Variants in TMOD3 observed in about 807,000 individuals in gnomAD.
The protein encoded by TMOD3 is tropomodulin 3.
Under a neutral mutation model 39.2 loss-of-function variants are expected in TMOD3, and 20 were observed. The observed-to-expected ratio is 0.51, with a 90% CI of 0.36 to 0.74. The LOEUF (loss-of-function observed/expected upper bound fraction) is 0.74, where lower values mean the gene tolerates loss of function less well. Among genes scored for constraint, TMOD3 ranks in the 30% least tolerant of loss-of-function variants. The probability of loss-of-function intolerance (pLI) is 0.00; values close to 1 mark genes in which losing one functional copy is unlikely to be tolerated. For synonymous variants in TMOD3, 143 were observed against 145.8 expected, an observed-to-expected ratio of 0.98 and a Z score of 0.14; for missense variants, 381 against 412.8, an observed-to-expected ratio of 0.92 and a Z score of 0.67.
intron 1 of TMOD3, among the ~76,000 whole-genome samples, chr15:51,837,315 C>T (rs2141666443): frequency 1.3e-5 from 2 of 152,196 alleles, no homozygotes; most frequent in East Asian, 3.9e-4. Context: ...TATATTCAGG[C>T]AGCCCTTACC....
chr15:51,832,149 A>T (rs1313265839), intron 1 of TMOD3, among the ~76,000 whole-genome samples: 2 of 147,644 alleles, frequency 1.4e-5, no homozygotes, highest in African/African-American at 5.0e-5. Context: ...GTGCCACTGC[A>T]CTCCAGCCTG....
Position 51,890,150 on chromosome 15 carries a change from A to G in TMOD3, c.496+1005A>G, listed in dbSNP as rs151273348. On this transcript the variant is annotated intron_variant, in intron 5 of 9. Transcript: ENST00000308580. ...ATATTTATTGCAACTTAATTTTTCA[A>G]TAATAATTCTATTAGCTAATTTTTT... Among the ~76,000 whole-genome samples the G allele has an allele frequency of 2.6e-3, 395 of 151,936 alleles. 1 individual carries two copies. The highest frequency in any genetic ancestry group is 9.2e-3 in the African/African-American group (382 of 41,442).
At chr15:51,885,710 A>C (rs2056557472) in intron 3 of TMOD3, among the ~76,000 whole-genome samples, 1 of 152,208 alleles carries the variant, frequency 6.6e-6, no homozygotes, top group Non-Finnish European at 1.5e-5. Context: ...ACACAGCAAC[A>C]ATCCGATTTC....
At chr15:51,868,307 A>T (rs2570255) in intron 2 of TMOD3, among the ~76,000 whole-genome samples, 8,230 of 130,302 alleles carry the variant, frequency 0.063, 480 homozygotes, top group African/African-American at 0.14. Context: ...AAAACTTTTT[A>T]AAAAAAACGT....
intron 1 of TMOD3, chr15:51,859,315 G>C (rs1010974916): frequency 1.4e-6 from 1 of 727,022 alleles, no homozygotes; most frequent in Non-Finnish European, 2.6e-6. Flanking sequence ...TGGTTCAATG[G>C]TTCCTTGATA....
chr15:51,853,168 A>C (rs779173178), intron 1 of TMOD3, among the ~76,000 whole-genome samples: 46 of 152,216 alleles, frequency 3.0e-4, no homozygotes, highest in Non-Finnish European at 4.9e-4. Context: ...GAAGAATAAG[A>C]GGAAATAATT....
chr15:51,847,908 T>G (rs1194208219), intron 1 of TMOD3, among the ~76,000 whole-genome samples: 1 of 152,224 alleles, frequency 6.6e-6, no homozygotes, highest in African/African-American at 2.4e-5. Flanking sequence ...TGCTGAAACC[T>G]AATCACCAAT....
intron 3 of TMOD3, among the ~76,000 whole-genome samples, chr15:51,871,161 C>G (rs570944432): frequency 1.6e-4 from 25 of 152,318 alleles, no homozygotes; most frequent in Non-Finnish European, 7.4e-5. Flanking sequence ...GCTACTGTTA[C>G]AGGTGGGAAT....
chr15:51,879,310 G>T (rs1259418925), intron 3 of TMOD3, among the ~76,000 whole-genome samples: 2 of 151,240 alleles, frequency 1.3e-5, no homozygotes, highest in African/African-American at 4.9e-5. Flanking sequence ...TTTGTTTTGT[G>T]TAACTTGGGG....
At position 51,886,260 on chromosome 15, in the gene TMOD3, G is replaced by A. The variant is rs28416733; in HGVS notation, c.284-1329G>A. On this transcript the variant is annotated intron_variant, in intron 3 of 9. Coordinates refer to ENST00000308580, the MANE Select transcript of TMOD3 (RefSeq NM_014547.5). ...CCGAGACGCTCCTCACTTCCCAGAC[G>A]GGGTGGCGGCCGGGCAGAGGCTGCA... 4.4e-3 allele frequency among the ~76,000 whole-genome samples: 668 copies of A among 152,292 alleles called. 7 individuals carry two copies. The highest frequency in any genetic ancestry group is 0.015 in the African/African-American group (628 of 41,564).
At chr15:51,888,249 A>G (rs774859615) in intron 4 of TMOD3, among the ~76,000 whole-genome samples, 33 of 152,326 alleles carry the variant, frequency 2.2e-4, no homozygotes, top group Non-Finnish European at 4.1e-4. Context: ...CCCATGTACA[A>G]TCTACTTTCC....
At chr15:51,877,644 C>T (rs1474514214) in intron 3 of TMOD3, among the ~76,000 whole-genome samples, 2 of 151,008 alleles carry the variant, frequency 1.3e-5, no homozygotes, top group African/African-American at 4.9e-5. Flanking sequence ...TGCACCACTG[C>T]ACTCTAGCCT....
At chr15:51,892,072 C>CTGTG (rs35503902) in intron 5 of TMOD3, among the ~76,000 whole-genome samples, 16 of 151,592 alleles carry the variant, frequency 1.1e-4, no homozygotes, top group African/African-American at 2.4e-4. Flanking sequence ...TCTCAAGATG[C>CTGTG]TGTGTGTGTG....
intron 6 of TMOD3, among the ~76,000 whole-genome samples, chr15:51,895,694 T>C (rs2056617203): frequency 6.6e-6 from 1 of 152,170 alleles, no homozygotes; most frequent in Non-Finnish European, 1.5e-5. Flanking sequence ...TCTTAGTGCT[T>C]TGTAGCTTAA....
chr15:51,831,290 A>G (rs961767797), intron 1 of TMOD3, among the ~76,000 whole-genome samples: 4 of 152,224 alleles, frequency 2.6e-5, no homozygotes, highest in Admixed American at 6.5e-5. Context: ...TAATAACTTC[A>G]TCTGAAATTA....
intron 1 of TMOD3, among the ~76,000 whole-genome samples, chr15:51,852,331 T>G (rs997912073): frequency 6.6e-6 from 1 of 152,114 alleles, no homozygotes; most frequent in Non-Finnish European, 1.5e-5. Context: ...CATAACAGTC[T>G]TAAGCCTAGC....
At chr15:51,869,863 C>T (rs2056466186) in intron 3 of TMOD3, among the ~76,000 whole-genome samples, 1 of 151,954 alleles carries the variant, frequency 6.6e-6, no homozygotes, top group African/African-American at 2.4e-5. Context: ...TTTTCTAGTC[C>T]AAGTCTCCCC....
intron 9 of TMOD3, among the ~76,000 whole-genome samples, chr15:51,902,558 C>A (rs2916174): frequency 0.049 from 7,406 of 151,970 alleles, 414 homozygotes; most frequent in African/African-American, 0.12. Context: ...GCAACCTCCG[C>A]CTCCCAGGTT....
chr15:51,902,250 A>G (rs1286430736), intron 9 of TMOD3, among the ~76,000 whole-genome samples: 1 of 152,176 alleles, frequency 6.6e-6, no homozygotes, highest in East Asian at 1.9e-4. Context: ...TCCTGTGACA[A>G]GCGTATTTCA....
Sources: gnomAD v4.1 joint callset for allele counts (sites outside exome capture counted in the v4.1 genomes callset) on GRCh38, gnomAD v4.1.1 for gene constraint, MANE v1.5 for transcripts, NCBI Gene and HGNC (gene_info 2026-07-23, HGNC 2026-07-21) for gene names.